IGF2R: variants seen among roughly 807,000 people sequenced by gnomAD.
IGF2R encodes cation-independent mannose-6-phosphate receptor.
IGF2R carries 91 observed loss-of-function variants against 270.6 expected under a neutral mutation model. The ratio of observed to expected loss-of-function variants is 0.34; its 90% CI spans 0.28 to 0.40. IGF2R has a LOEUF of 0.40. Among genes scored for constraint, IGF2R ranks in the 10% least tolerant of loss-of-function variants. The pLI is 1.00. For missense variants in IGF2R, 2,805 were observed against 3,188.3 expected, an observed-to-expected ratio of 0.88 and a Z score of 2.90; for synonymous variants, 1,316 against 1,258.9, an observed-to-expected ratio of 1.05 and a Z score of -0.96.
At position 160,075,908 on chromosome 6, in the gene IGF2R, A is replaced by C; in HGVS notation, c.5228A>C (p.Asn1743Thr). 1 of 1,614,208 alleles carries C rather than the reference A, an allele frequency of 6.2e-7. No homozygotes were observed. The highest frequency in any genetic ancestry group is 1.1e-5 in the South Asian group (1 of 91,086). ...CCAATAGCAAATGAGATTTACTTGA[A>C]TTTTGAAAGCAGTACTCCTTGCTTA... ...LNPIANEIYL[N>T]FESSTPCLAD... Residue 1743 changes from asparagine to threonine, a missense_variant, in exon 36 of 48, where the codon AAT becomes ACT. Asn to Thr is a moderately conservative substitution (Grantham distance 65). Transcript: ENST00000356956.
chr6:160,059,224 C>A, intron 22 of IGF2R, 126 bp downstream of exon 22: 1 of 717,004 alleles, frequency 1.4e-6, no homozygotes, highest in Non-Finnish European at 2.2e-6. Flanking sequence ...GTCCACCTTG[C>A]TGCAGGAGCC....
chr6:159,980,240 G>GAAAGAAAGAAAGAAAGAAAGAAAGAAAGA (rs1562330732), intron 1 of IGF2R, among the ~76,000 whole-genome samples: 2 of 106,832 alleles, frequency 1.9e-5, no homozygotes, highest in African/African-American at 3.3e-5. Context: ...AGAAAGAAAG[G>GAAAGAAAGAAAGAAAGAAAGAAAGAAAGA]TACATGGAAG....
rs1435924833 is a variant in IGF2R at position 160,033,253 on chromosome 6, C to T, written c.1211+146C>T. 3 of 601,806 alleles carry T rather than the reference C, an allele frequency of 5.0e-6. No individual in the cohort carries two copies. In the African/African-American group the frequency reaches 5.6e-5, roughly 11 times the overall value. 37.3% of individuals were successfully genotyped at this position (601,806 alleles called of 1,614,324 possible). On this transcript the variant is annotated intron_variant, in intron 9 of 47. Coordinates refer to ENST00000356956, the MANE Select transcript of IGF2R (RefSeq NM_000876.4). Reference sequence around the variant, plus strand: ...CCTGCCTCAAGTAATTCTCCCACCTCAGCCTCCCGAGTAGCTGGGACTACA... The same window carrying T: ...CCTGCCTCAAGTAATTCTCCCACCTTAGCCTCCCGAGTAGCTGGGACTACA...
intron 1 of IGF2R, among the ~76,000 whole-genome samples, chr6:159,976,885 A>AG (rs1338085610): frequency 6.6e-6 from 1 of 152,176 alleles, no homozygotes; most frequent in Non-Finnish European, 1.5e-5. Flanking sequence ...TTTGGAAAAA[A>AG]AGTTCTCTGT....
intron 44 of IGF2R, among the ~76,000 whole-genome samples, chr6:160,090,610 G>C (rs1049130391): frequency 6.6e-6 from 1 of 152,222 alleles, no homozygotes; most frequent in African/African-American, 2.4e-5. Flanking sequence ...TAAGGGTGTT[G>C]CCCTTTGTTC....
intron 34 of IGF2R, 83 bp from the exon 35 acceptor site, chr6:160,073,674 C>G (rs1040048544): frequency 4.0e-6 from 5 of 1,251,956 alleles, no homozygotes; most frequent in Non-Finnish European, 5.7e-6. Flanking sequence ...TGTTGTTATT[C>G]AGCTTTTAAA....
At position 160,021,915 on chromosome 6, in the gene IGF2R, A is replaced by G. The variant is rs186545266; in HGVS notation, c.514-2657A>G. Among the ~76,000 whole-genome samples the G allele has an allele frequency of 2.0e-3, 307 of 152,274 alleles. 2 individuals carry two copies. The highest frequency in any genetic ancestry group is 3.4e-3 in the Non-Finnish European group (234 of 68,010). ...CAAAGTAAAAGAAATCTGTCTGTCA[A>G]AGAGATACGTGCACTCGTCTGTTTA... On this transcript the variant is annotated intron_variant, in intron 4 of 47. Coordinates refer to ENST00000356956, the MANE Select transcript of IGF2R (RefSeq NM_000876.4).
chr6:160,088,083 A>G lies in IGF2R; in HGVS notation c.6256A>G (p.Lys2086Glu). Residue 2086 changes from lysine to glutamate, a missense_variant, in exon 42 of 48, where the codon AAG becomes GAG. Physicochemically the swap from Lys to Glu is moderately conservative, Grantham distance 56. Coordinates refer to ENST00000356956, the MANE Select transcript of IGF2R (RefSeq NM_000876.4). The part of the protein sequence containing the change: ...YSKGYPCGGN[K>E]TASSVIELTC... ...CAAAGGTTATCCGTGTGGTGGAAAT[A>G]AGACCGCATCCTCCGTGATAGAATT... 6.2e-7 allele frequency: 1 copy of G among 1,614,104 alleles called. No individual in the cohort carries two copies. Among genetic ancestry groups the G allele is most frequent in the Non-Finnish European group, 8.5e-7 (1 of 1,179,920 alleles).
intron 44 of IGF2R, chr6:160,094,930 G>A (rs1445162927): frequency 1.3e-5 from 2 of 149,474 alleles, no homozygotes; most frequent in Non-Finnish European, 3.0e-5. Flanking sequence ...CCTCTGGGAT[G>A]TTGCCTCTCC....
chr6:160,024,562 T>G lies in IGF2R; in HGVS notation c.514-10T>G. Reference sequence around the variant, plus strand: ...TACTGAAGACTCACTTTTTTCTTCCTCCCTTCCAGGTGCCATGCTATGTGT... The same window carrying G: ...TACTGAAGACTCACTTTTTTCTTCCGCCCTTCCAGGTGCCATGCTATGTGT... On this transcript the variant is annotated splice_polypyrimidine_tract_variant and intron_variant, in intron 4 of 47. Transcript: ENST00000356956. 1 of 1,613,916 alleles carries G rather than the reference T, an allele frequency of 6.2e-7. No individual in the cohort carries two copies. The highest frequency in any genetic ancestry group is 8.5e-7 in the Non-Finnish European group (1 of 1,179,886).
At position 160,061,663 on chromosome 6, in the gene IGF2R, C is replaced by T; in HGVS notation, c.3406+17C>T. 6.2e-7 allele frequency: 1 copy of T among 1,614,028 alleles called. No individual in the cohort carries two copies. The highest frequency in any genetic ancestry group is 8.5e-7 in the Non-Finnish European group (1 of 1,179,962). The stretch of plus-strand genomic sequence containing the variant: ...GATGCCAGGGTGAGTTCTCCTTGGT[C>T]TCTTGATTGGCGTCTGTTCATTTTA... On this transcript the variant is annotated intron_variant, in intron 24 of 47. Transcript: ENST00000356956.
chr6:159,981,473 A>C (rs1783802972), intron 1 of IGF2R, among the ~76,000 whole-genome samples: 1 of 152,070 alleles, frequency 6.6e-6, no homozygotes, highest in Admixed American at 6.5e-5. Context: ...CTCCTTTCAG[A>C]GGGCACCCCC....
chr6:160,101,296 G>A (rs1472952238), intron 45 of IGF2R, among the ~76,000 whole-genome samples: 1 of 152,182 alleles, frequency 6.6e-6, no homozygotes, highest in East Asian at 1.9e-4. Context: ...GATGCATTTC[G>A]AGTGGTCCTG....
Position 160,108,008 on chromosome 6 carries a change from T to C in IGF2R, c.*2924T>C, listed in dbSNP as rs1779658849. On this transcript the variant is annotated 3_prime_UTR_variant, in exon 48 of 48. Transcript: ENST00000356956. ...CGATCCATTGTACAAGTTAAAGCAC[T>C]GATGGGTACACAGGTCTTACCCCTG... 1 of 152,216 alleles carries C rather than the reference T, an allele frequency of 6.6e-6. No individual in the cohort carries two copies. The highest frequency in any genetic ancestry group is 1.5e-5 in the Non-Finnish European group (1 of 68,058). The allele number at this position is 152,216 out of a possible 1,614,324, so 9.4% of individuals were successfully genotyped here. A position where few individuals can be genotyped will look rare whatever the true frequency, so the allele number is the denominator to read the frequency against.
chr6:160,028,227 T>C (rs1376771524), intron 6 of IGF2R, among the ~76,000 whole-genome samples: 2 of 152,262 alleles, frequency 1.3e-5, no homozygotes, highest in Non-Finnish European at 2.9e-5. Context: ...CCGTTTTCTT[T>C]CTGTGTCTTC....
intron 2 of IGF2R, among the ~76,000 whole-genome samples, chr6:159,999,022 C>T (rs1458608577): frequency 3.3e-5 from 5 of 152,106 alleles, no homozygotes; most frequent in Admixed American, 2.6e-4. Flanking sequence ...AATCTGCCCC[C>T]GAAGTCCAAG....
intron 29 of IGF2R, 114 bp from the exon 30 acceptor site, chr6:160,068,135 A>G: frequency 8.9e-7 from 1 of 1,129,720 alleles, no homozygotes; most frequent in Non-Finnish European, 1.3e-6. Context: ...GTCGAGTCTA[A>G]AGTTCTGTCA....
Position 160,024,578 on chromosome 6 carries a change from T to C in IGF2R, c.520T>C (p.Cys174Arg). The change falls in exon 5 of 48, where the codon TGC (cysteine) becomes CGC (arginine). Residue 174 changes from cysteine to arginine, a missense_variant. By Grantham distance (180) the Cys-to-Arg change is radical. This residue lies in a region of IGF2R where 954 missense variants were observed against 981.1 expected (regional missense o/e 0.97). Coordinates refer to ENST00000356956, the MANE Select transcript of IGF2R (RefSeq NM_000876.4). ...TTTTCTTCCTCCCTTCCAGGTGCCA[T>C]GCTATGTGTTTGATGAAGAGTTGAG... is the stretch of plus-strand genomic sequence containing the variant. ...DIFKANKEVP[C>R]YVFDEELRKH... The C allele has an allele frequency of 6.2e-7, 1 of 1,614,104 alleles. No individual in the cohort carries two copies. Among genetic ancestry groups the C allele is most frequent in the African/African-American group, 1.3e-5 (1 of 75,022 alleles).
Position 160,027,189 on chromosome 6 carries a change from A to G in IGF2R, c.651A>G (p.Thr217=), listed in dbSNP as rs746807726. ...LFINVCRDID[T]LRDPGSQLRA... ...AATGTAATACATGATTTTCAGACACACTACGAGACCCAGGTTCACAGCTGC... is the reference window on the plus strand; with the variant it reads ...AATGTAATACATGATTTTCAGACACGCTACGAGACCCAGGTTCACAGCTGC... Residue 217 remains threonine, a synonymous_variant, in exon 6 of 48, where the codon ACA becomes ACG. Transcript: ENST00000356956. 3.1e-6 allele frequency: 5 copies of G among 1,614,088 alleles called. No individual in the cohort carries two copies. In the South Asian group the frequency reaches 3.3e-5, roughly 11 times the overall value.
Sources: gnomAD v4.1 joint callset for allele counts (sites outside exome capture counted in the v4.1 genomes callset) on GRCh38, gnomAD v4.1.1 for gene constraint, gnomAD v4.1.1 regional missense constraint, MANE v1.5 for transcripts, NCBI Gene and HGNC (gene_info 2026-07-23, HGNC 2026-07-21) for gene names.